The following DAB1 variants were observed in gnomAD, a reference collection of about 807,000 sequenced individuals.
DAB1 encodes the protein disabled homolog 1.
A neutral mutation model predicts 64.6 loss-of-function variants in DAB1; 15 were observed. The observed-to-expected ratio is 0.23, with a 90% CI of 0.16 to 0.36. The LOEUF is 0.36. DAB1 is among the 10% of genes least tolerant of loss of function. The pLI, the probability that DAB1 is intolerant of heterozygous loss-of-function variation, is 1.00. For synonymous variants in DAB1, 235 were observed against 251.9 expected (o/e 0.93, Z 0.64); for missense variants, 596 against 706.7 (o/e 0.84, Z 1.78).
At chr1:57,297,622 C>T (rs947291579) in intron 1 of DAB1, among the ~76,000 whole-genome samples, 34 of 152,172 alleles carry the variant, frequency 2.2e-4, no homozygotes, top group African/African-American at 7.9e-4. Flanking sequence ...AAGTAAAGGG[C>T]ATTGGGTGTT....
intron 6 of DAB1, among the ~76,000 whole-genome samples, chr1:57,699,724 C>A (rs1431228590): frequency 6.6e-6 from 1 of 151,994 alleles, no homozygotes; most frequent in Non-Finnish European, 1.5e-5. Flanking sequence ...GCCATCCTGG[C>A]CAATATGGTG....
chr1:57,057,482 A>C (rs1378796826), intron 9 of DAB1, among the ~76,000 whole-genome samples: 1 of 152,206 alleles, frequency 6.6e-6, no homozygotes, highest in Non-Finnish European at 1.5e-5. Context: ...ACACTCTTAA[A>C]ATCCAAAAAT....
intron 11 of DAB1, among the ~76,000 whole-genome samples, chr1:57,018,040 C>T (rs1276822810): frequency 2.0e-5 from 3 of 152,114 alleles, no homozygotes; most frequent in African/African-American, 4.8e-5. Context: ...GAGACCAATG[C>T]GTACGACAAA....
chr1:57,372,636 A>G (rs1374581020), intron 1 of DAB1, among the ~76,000 whole-genome samples: 1 of 152,154 alleles, frequency 6.6e-6, no homozygotes, highest in Admixed American at 6.5e-5. Context: ...GCCTTCAAGA[A>G]AATACATCTA....
chr1:57,431,739 C>G (rs928365599), intron 7 of DAB1, among the ~76,000 whole-genome samples: 14 of 152,160 alleles, frequency 9.2e-5, no homozygotes, highest in African/African-American at 3.4e-4. Flanking sequence ...AGGACTCTTA[C>G]GTTTCAATAC....
At chr1:57,136,827 C>T (rs542239660) in intron 3 of DAB1, among the ~76,000 whole-genome samples, 186 bp from the exon 4 acceptor site, 3 of 152,198 alleles carry the variant, frequency 2.0e-5, no homozygotes, top group Non-Finnish European at 4.4e-5. Context: ...TAATGCTTGT[C>T]CTAGTGTTTC....
intron 4 of DAB1, among the ~76,000 whole-genome samples, chr1:58,170,752 C>T (rs962317714): frequency 6.6e-6 from 1 of 152,078 alleles, no homozygotes; most frequent in Non-Finnish European, 1.5e-5. Flanking sequence ...TATGCCGAGG[C>T]AATCACTGGA....
Position 57,278,875 on chromosome 1 carries a change from A to G in DAB1, c.67+12089T>C, listed in dbSNP as rs568718547. ...AGCTTCTCACCTTCCTCATCTGTAAACCTGAGATTTTTAAAAAGCAGCTAC... is the reference window on the plus strand; with the variant it reads ...AGCTTCTCACCTTCCTCATCTGTAAGCCTGAGATTTTTAAAAAGCAGCTAC... On this transcript the variant is annotated intron_variant, in intron 2 of 14. Coordinates refer to ENST00000371236, the MANE Select transcript of DAB1 (RefSeq NM_001365792.1). 1.1e-4 allele frequency among the ~76,000 whole-genome samples: 17 copies of G among 152,296 alleles called. No homozygotes were observed. The South Asian group carries it at 3.5e-3, about 32-fold the overall frequency.
Position 58,381,215 on chromosome 1 carries a change from T to C in DAB1, n.258-37812A>G, listed in dbSNP as rs780889616. 3.5e-4 allele frequency among the ~76,000 whole-genome samples: 54 copies of C among 152,232 alleles called. 1 individual carries two copies. Among genetic ancestry groups the C allele is most frequent in the Admixed American group, 2.6e-3 (40 of 15,294 alleles). On this transcript the variant is annotated intron_variant and non_coding_transcript_variant, in intron 3 of 20. Coordinates refer to the DAB1 transcript ENST00000485760. ...AATGTTGGGCTTAATACCCAGGTGA[T>C]GGAATGATCTGTGCAGCAAACCACC...
intron 6 of DAB1, among the ~76,000 whole-genome samples, chr1:57,788,782 G>A (rs1308273002): frequency 6.6e-6 from 1 of 152,160 alleles, no homozygotes; most frequent in Non-Finnish European, 1.5e-5. Context: ...GTACACATGT[G>A]TATGTTGTAA....
At chr1:58,113,480 C>G (rs1031794791) in intron 5 of DAB1, among the ~76,000 whole-genome samples, 3 of 152,126 alleles carry the variant, frequency 2.0e-5, no homozygotes, top group Non-Finnish European at 4.4e-5. Context: ...TTCCACTCTG[C>G]CATCATAAAA....
intron 3 of DAB1, among the ~76,000 whole-genome samples, chr1:58,376,542 G>C (rs530651237): frequency 0.019 from 2,808 of 146,278 alleles, 227 homozygotes; most frequent in African/African-American, 0.068. Flanking sequence ...TGGTCTGAGA[G>C]ATAGTTTGTT....
At chr1:57,047,844 C>T (rs1648718971) in intron 9 of DAB1, among the ~76,000 whole-genome samples, 1 of 152,176 alleles carries the variant, frequency 6.6e-6, no homozygotes, top group Admixed American at 6.5e-5. Context: ...CAGCCCCATG[C>T]TCTATACACC....
intron 4 of DAB1, among the ~76,000 whole-genome samples, chr1:58,164,698 G>A (rs1433330147): frequency 1.3e-5 from 2 of 152,124 alleles, no homozygotes; most frequent in Non-Finnish European, 2.9e-5. Flanking sequence ...GGATGTGGCT[G>A]CAGCCTTAGG....
At chr1:58,126,537 T>C (rs1318702208) in intron 5 of DAB1, among the ~76,000 whole-genome samples, 2 of 151,810 alleles carry the variant, frequency 1.3e-5, no homozygotes, top group South Asian at 2.1e-4. Flanking sequence ...ACATGTGCCA[T>C]GCTGGTGCGC....
intron 4 of DAB1, among the ~76,000 whole-genome samples, chr1:58,199,412 T>C: frequency 6.6e-6 from 1 of 152,216 alleles, no homozygotes; most frequent in East Asian, 1.9e-4. Context: ...CTCATAAAAT[T>C]CTAGTAAGAT....
chr1:58,330,546 C>A (rs1662946015), intron 4 of DAB1, among the ~76,000 whole-genome samples: 1 of 152,182 alleles, frequency 6.6e-6, no homozygotes, highest in Non-Finnish European at 1.5e-5. Context: ...TTCAGAGATA[C>A]AGAAGAAAAG....
intron 2 of DAB1, among the ~76,000 whole-genome samples, chr1:57,209,194 G>A (rs566177220): frequency 6.6e-6 from 1 of 152,300 alleles, no homozygotes; most frequent in South Asian, 2.1e-4. Flanking sequence ...CATGAGGGAT[G>A]GTGATTCTTC....
intron 5 of DAB1, among the ~76,000 whole-genome samples, chr1:58,025,332 C>A (rs1289539828): frequency 6.6e-6 from 1 of 151,854 alleles, no homozygotes; most frequent in East Asian, 1.9e-4. Flanking sequence ...TAAATCAGTA[C>A]CTCAAGATGG....
Sources: gnomAD v4.1 joint callset for allele counts (sites outside exome capture counted in the v4.1 genomes callset) on GRCh38, gnomAD v4.1.1 for gene constraint, MANE v1.5 for transcripts, NCBI Gene and HGNC (gene_info 2026-07-23, HGNC 2026-07-21) for gene names.